Variants in PTPRK observed in about 807,000 individuals in gnomAD.
The protein encoded by PTPRK is protein tyrosine phosphatase receptor type K, also known as receptor-type tyrosine-protein phosphatase kappa.
In PTPRK, 75 loss-of-function variants were observed where a neutral mutation model predicts 178.0. The observed-to-expected ratio is 0.42, with a 90% CI of 0.35 to 0.51. PTPRK has a LOEUF of 0.51. Among genes scored for constraint, PTPRK ranks in the 20% least tolerant of loss-of-function variants. The probability of loss-of-function intolerance (pLI) is 0.02; values close to 1 mark genes in which losing one functional copy is unlikely to be tolerated. For synonymous variants in PTPRK, 637 were observed against 620.6 expected (o/e 1.03, Z -0.39); for missense variants, 1,441 against 1,797.8 (o/e 0.80, Z 3.59).
At chr6:128,416,503 C>T (rs1049510390) in intron 1 of PTPRK, among the ~76,000 whole-genome samples, 32 of 151,526 alleles carry the variant, frequency 2.1e-4, no homozygotes, top group African/African-American at 7.0e-4. Flanking sequence ...AAAAATTAGC[C>T]GGGTGTGGTG....
At chr6:128,247,390 G>C (rs1285150781) in intron 3 of PTPRK, among the ~76,000 whole-genome samples, 1 of 152,082 alleles carries the variant, frequency 6.6e-6, no homozygotes, top group African/African-American at 2.4e-5. Flanking sequence ...CATGATCTGG[G>C]CTCACCCTAA....
Position 128,422,464 on chromosome 6 carries a change from T to C in PTPRK, c.101-24776A>G, listed in dbSNP as rs184382844. Reference sequence around the variant, plus strand: ...TGTTCCAGAGGTCAGACTGCATTCCTGAGCTCTCCATGGCTTCTTGTTTAT... The same window carrying C: ...TGTTCCAGAGGTCAGACTGCATTCCCGAGCTCTCCATGGCTTCTTGTTTAT... On this transcript the variant is annotated intron_variant, in intron 1 of 29. Transcript: ENST00000368226. Among the ~76,000 whole-genome samples, 136 of 152,304 alleles carry C rather than the reference T, an allele frequency of 8.9e-4. 1 individual carries two copies. Among genetic ancestry groups the C allele is most frequent in the African/African-American group, 3.2e-3 (131 of 41,570 alleles).
intron 8 of PTPRK, among the ~76,000 whole-genome samples, chr6:128,089,238 A>T (rs1314976958): frequency 6.6e-6 from 1 of 152,244 alleles, no homozygotes; most frequent in Non-Finnish European, 1.5e-5. Context: ...TGCTGGGATT[A>T]CAGGCATGAA....
intron 22 of PTPRK, 152 bp downstream of exon 22, chr6:127,985,569 A>T (rs1377603250): frequency 2.4e-6 from 2 of 840,892 alleles, no homozygotes; most frequent in Non-Finnish European, 3.5e-6. Flanking sequence ...ACTTACAGCC[A>T]ACTTTTATTT....
intron 2 of PTPRK, among the ~76,000 whole-genome samples, chr6:128,337,554 A>G (rs1374765396): frequency 6.6e-6 from 1 of 152,186 alleles, no homozygotes; most frequent in Non-Finnish European, 1.5e-5. Flanking sequence ...GTGAACAAGA[A>G]GTTTATCAGC....
At chr6:128,420,264 T>A (rs1316126976) in intron 1 of PTPRK, among the ~76,000 whole-genome samples, 1 of 152,184 alleles carries the variant, frequency 6.6e-6, no homozygotes, top group Non-Finnish European at 1.5e-5. Context: ...CTCAATGAGG[T>A]TAAAATTCTT....
Position 128,131,148 on chromosome 6 carries a change from C to T in PTPRK, c.1163-41156G>A, listed in dbSNP as rs190421995. Reference sequence around the variant, plus strand: ...TCCCAAGAAGCAGTAAAAAGCATAGCTGAAATAAAGGACTACAGATTGTGC... The same window carrying T: ...TCCCAAGAAGCAGTAAAAAGCATAGTTGAAATAAAGGACTACAGATTGTGC... On this transcript the variant is annotated intron_variant, in intron 7 of 29. Transcript: ENST00000368226. Among the ~76,000 whole-genome samples, 7 of 152,224 alleles carry T rather than the reference C, an allele frequency of 4.6e-5. No homozygotes were observed. In the South Asian group the frequency reaches 6.2e-4, roughly 14 times the overall value.
intron 7 of PTPRK, among the ~76,000 whole-genome samples, chr6:128,136,448 C>A (rs965612670): frequency 2.6e-5 from 4 of 152,184 alleles, no homozygotes; most frequent in African/African-American, 7.2e-5. Context: ...ATGCATAATT[C>A]ATTTAATAAA....
intron 3 of PTPRK, among the ~76,000 whole-genome samples, chr6:128,264,899 G>A (rs1818721363): frequency 1.3e-5 from 2 of 152,206 alleles, no homozygotes; most frequent in Admixed American, 1.3e-4. Flanking sequence ...GAATTTCCCT[G>A]CACAAGCTCT....
chr6:128,098,180 T>TTGAATGAA (rs1788210497), intron 7 of PTPRK, among the ~76,000 whole-genome samples: 1 of 152,188 alleles, frequency 6.6e-6, no homozygotes, highest in African/African-American at 2.4e-5. Context: ...GCTTAAAAGC[T>TTGAATGAA]AATGAAAATG....
chr6:128,024,617 T>A (rs993984574), intron 13 of PTPRK, among the ~76,000 whole-genome samples: 3 of 152,090 alleles, frequency 2.0e-5, no homozygotes, highest in Non-Finnish European at 4.4e-5. Context: ...AAGACCAGCC[T>A]GGCCAACATG....
intron 13 of PTPRK, among the ~76,000 whole-genome samples, chr6:128,017,768 A>C (rs1241832554): frequency 3.1e-5 from 4 of 130,836 alleles, no homozygotes; most frequent in Non-Finnish European, 4.8e-5. Context: ...ATACATATAT[A>C]AATATTTATA....
chr6:128,076,087 G>T (rs1783762052), intron 11 of PTPRK, among the ~76,000 whole-genome samples: 1 of 151,978 alleles, frequency 6.6e-6, no homozygotes, highest in African/African-American at 2.4e-5. Flanking sequence ...GATTTTGACA[G>T]ACTGACATAA....
intron 2 of PTPRK, among the ~76,000 whole-genome samples, chr6:128,385,364 TC>T (rs1269818540): frequency 6.6e-6 from 1 of 152,136 alleles, no homozygotes; most frequent in African/African-American, 2.4e-5. Context: ...TTTGGTATGT[TC>T]CATATTTTTT....
intron 29 of PTPRK, among the ~76,000 whole-genome samples, chr6:127,971,360 C>T (rs938790929): frequency 2.0e-5 from 3 of 152,112 alleles, no homozygotes; most frequent in South Asian, 2.1e-4. Flanking sequence ...AATAGAAGTT[C>T]GAGGTGTCTC....
chr6:128,392,242 A>G (rs1839700320), intron 2 of PTPRK, among the ~76,000 whole-genome samples: 1 of 152,146 alleles, frequency 6.6e-6, no homozygotes, highest in Admixed American at 6.5e-5. Context: ...CAATCTTCAG[A>G]GTAATTTAAC....
chr6:128,049,366 G>A (rs556915321), intron 13 of PTPRK, among the ~76,000 whole-genome samples: 2 of 152,078 alleles, frequency 1.3e-5, no homozygotes, highest in South Asian at 2.1e-4. Flanking sequence ...CCATACCATT[G>A]GTTTTGTTTC....
chr6:128,012,285 C>T (rs1197614492), intron 13 of PTPRK, among the ~76,000 whole-genome samples: 7 of 151,126 alleles, frequency 4.6e-5, no homozygotes, highest in Non-Finnish European at 8.9e-5. Context: ...ACTTGGCTTG[C>T]TATAACCGAG....
chr6:128,038,994 A>C (rs555721723), intron 13 of PTPRK, among the ~76,000 whole-genome samples: 42 of 152,318 alleles, frequency 2.8e-4, no homozygotes, highest in African/African-American at 9.6e-4. Context: ...ATGGAGAAAT[A>C]GGTATTCTAA....
Sources: allele counts gnomAD v4.1 joint callset (sites outside exome capture counted in the v4.1 genomes callset), GRCh38; gene constraint gnomAD v4.1.1; transcripts MANE v1.5; gene names NCBI Gene and HGNC (gene_info 2026-07-23, HGNC 2026-07-21).